MTCL3: variants seen among roughly 807,000 people sequenced by gnomAD.
MTCL3 encodes MTCL family member 3.
the MTCL3 span, chr6:127,515,927 C>T: frequency 6.2e-7 from 1 of 1,610,144 alleles, no homozygotes; most frequent in Non-Finnish European, 8.5e-7. This position sits in a 1 kb window ranked among gnomAD's most constrained non-coding sequence, Gnocchi z 4.3. Context: ...TTTCTGCTGC[C>T]GGTTCCTGGG....
At chr6:127,487,649 C>T in the MTCL3 span, among the ~76,000 whole-genome samples, 2 of 152,136 alleles carry the variant, frequency 1.3e-5, no homozygotes, top group African/African-American at 4.8e-5. Flanking sequence ...CTTAGGACCA[C>T]ATTCACTCTC....
the MTCL3 span, among the ~76,000 whole-genome samples, chr6:127,508,951 C>T: frequency 6.6e-6 from 1 of 152,222 alleles, no homozygotes; most frequent in Non-Finnish European, 1.5e-5. Flanking sequence ...CACAACCTCA[C>T]TTTATCCTAT....
At chr6:127,495,975 A>G in the MTCL3 span, among the ~76,000 whole-genome samples, 1 of 152,170 alleles carries the variant, frequency 6.6e-6, no homozygotes, top group African/African-American at 2.4e-5. Context: ...CACGCCTGTA[A>G]TCCTACCATT....
At chr6:127,491,093 G>T in the MTCL3 span, among the ~76,000 whole-genome samples, 2 of 152,232 alleles carry the variant, frequency 1.3e-5, no homozygotes, top group African/African-American at 2.4e-5. Flanking sequence ...GTGATTTCTT[G>T]AAATGAACTG....
chr6:127,474,779 T>C, the MTCL3 span, among the ~76,000 whole-genome samples: 1 of 152,080 alleles, frequency 6.6e-6, no homozygotes, highest in African/African-American at 2.4e-5. Flanking sequence ...GGATCTTGCC[T>C]TGCTGACCAG....
At chr6:127,485,868 A>C in the MTCL3 span, among the ~76,000 whole-genome samples, 3 of 152,284 alleles carry the variant, frequency 2.0e-5, no homozygotes, top group South Asian at 2.1e-4. Context: ...AGATCTGGGG[A>C]ATCAGAGAAA....
At chr6:127,515,488 C>T in the MTCL3 span, 1 of 1,411,480 alleles carries the variant, frequency 7.1e-7, no homozygotes, top group South Asian at 1.7e-5. The surrounding 1 kb of genome is among the most constrained non-coding windows in gnomAD (Gnocchi z 4.3). Context: ...TCCCATCCCC[C>T]AGCCGGGTCC....
the MTCL3 span, among the ~76,000 whole-genome samples, chr6:127,485,356 G>A: frequency 6.6e-6 from 1 of 152,150 alleles, no homozygotes; most frequent in South Asian, 2.1e-4. Context: ...GTGTTACAGA[G>A]TGAGAGGAGA....
At chr6:127,515,766 G>C in the MTCL3 span, 3 of 1,603,352 alleles carry the variant, frequency 1.9e-6, no homozygotes, top group East Asian at 6.7e-5. The surrounding 1 kb of genome is among the most constrained non-coding windows in gnomAD (Gnocchi z 4.3). Flanking sequence ...TGCTGCCGCC[G>C]CCGTTCTTAG....
the MTCL3 span, chr6:127,512,785 G>C: frequency 9.6e-7 from 1 of 1,045,826 alleles, no homozygotes; most frequent in Non-Finnish European, 1.3e-6. Flanking sequence ...GTAAAAAATT[G>C]TCCTGCAATC....
chr6:127,496,719 A>G, the MTCL3 span, among the ~76,000 whole-genome samples: 2 of 152,214 alleles, frequency 1.3e-5, no homozygotes, highest in Non-Finnish European at 2.9e-5. Context: ...TATTTGCCCA[A>G]TGGAATATTA....
At chr6:127,491,631 A>G in the MTCL3 span, among the ~76,000 whole-genome samples, 2 of 152,126 alleles carry the variant, frequency 1.3e-5, no homozygotes, top group African/African-American at 4.8e-5. Flanking sequence ...AGAACCTGCA[A>G]TATCTCTGAG....
chr6:127,516,038 G>T, the MTCL3 span: 4 of 1,560,494 alleles, frequency 2.6e-6, no homozygotes, highest in Non-Finnish European at 2.6e-6. Context: ...CAGCCCCTGG[G>T]CGGCGGCGGC....
At chr6:127,496,726 A>G in the MTCL3 span, among the ~76,000 whole-genome samples, 5 of 152,242 alleles carry the variant, frequency 3.3e-5, no homozygotes, top group Non-Finnish European at 7.3e-5. Flanking sequence ...CCAATGGAAT[A>G]TTATTTGGCA....
the MTCL3 span, chr6:127,515,731 C>T: frequency 6.3e-7 from 1 of 1,594,474 alleles, no homozygotes. The surrounding 1 kb of genome is among the most constrained non-coding windows in gnomAD (Gnocchi z 4.3). Context: ...GGCAGGGGGG[C>T]CAGACACCGG....
chr6:127,517,145 A>G, the MTCL3 span, among the ~76,000 whole-genome samples: 1 of 152,194 alleles, frequency 6.6e-6, no homozygotes, highest in South Asian at 2.1e-4. Context: ...TTTACTGGAG[A>G]AAGTTTTCAT....
chr6:127,515,813 G>A, the MTCL3 span: 1 of 1,607,690 alleles, frequency 6.2e-7, no homozygotes, highest in South Asian at 1.1e-5. This position sits in a 1 kb window ranked among gnomAD's most constrained non-coding sequence, Gnocchi z 4.3. Context: ...GCTGCCGCCC[G>A]CTCCTTCTTG....
At chr6:127,484,005 C>T in the MTCL3 span, among the ~76,000 whole-genome samples, 1 of 152,054 alleles carries the variant, frequency 6.6e-6, no homozygotes, top group Non-Finnish European at 1.5e-5. Flanking sequence ...GTGGCATCAC[C>T]ACCATAAAAA....
chr6:127,489,003 TACC>T, the MTCL3 span, among the ~76,000 whole-genome samples: 3 of 152,230 alleles, frequency 2.0e-5, no homozygotes, highest in East Asian at 1.9e-4. Flanking sequence ...ACTTCACAGA[TACC>T]ACAATTTTTA....
Sources: gnomAD v4.1 joint callset for allele counts (sites outside exome capture counted in the v4.1 genomes callset) on GRCh38, gnomAD v4.1.1 for gene constraint, Gnocchi (gnomAD v3.1) non-coding constraint, MANE v1.5 for transcripts, NCBI Gene and HGNC (gene_info 2026-07-23, HGNC 2026-07-21) for gene names.